The following ZNF850 variants were observed in gnomAD, a reference collection of about 807,000 sequenced individuals.
The protein encoded by ZNF850 is putative zinc finger protein ENSP00000330994.
Under a neutral mutation model 11.9 loss-of-function variants are expected in ZNF850, and 2 were observed. The ratio of observed to expected loss-of-function variants is 0.17; its 90% CI spans 0.07 to 0.53. The LOEUF (loss-of-function observed/expected upper bound fraction) is 0.53. Among genes scored for constraint, ZNF850 ranks in the 20% least tolerant of loss-of-function variants. The probability of loss-of-function intolerance (pLI) is 0.94; values close to 1 mark genes in which losing one functional copy is unlikely to be tolerated. For synonymous variants in ZNF850, 381 were observed against 443.0 expected (o/e 0.86, Z 1.76); for missense variants, 1,014 against 1,316.4 (o/e 0.77, Z 3.55).
At position 36,749,242 on chromosome 19, in the gene ZNF850, C is replaced by T. The variant is rs775759696; in HGVS notation, c.1798G>A (p.Val600Ile). 28 of 1,582,212 alleles carry T rather than the reference C, an allele frequency of 1.8e-5. No homozygotes were observed. The African/African-American group carries it at 2.9e-4, about 16-fold the overall frequency. ...HCKECGKSFT[V>I]GSTLLQHQQI... The stretch of plus-strand genomic sequence containing the variant: ...TGATGTTGAAGTAGTGTTGAGCCAA[C>T]AGTAAAAGATTTTCCACATTCCTTA... Residue 600 changes from valine (V) to isoleucine (I), a missense_variant, in exon 5 of 5, where the codon GTT becomes ATT. Val to Ile is a conservative substitution (Grantham distance 29, BLOSUM62 3). Coordinates refer to ENST00000591344, the MANE Select transcript of ZNF850 (RefSeq NM_001193552.2).
intron 4 of ZNF850, among the ~76,000 whole-genome samples, chr19:36,759,297 G>T (rs2040504913): frequency 6.6e-6 from 1 of 151,936 alleles, no homozygotes; most frequent in African/African-American, 2.4e-5. Context: ...CACACAGGGA[G>T]AACCCATCTC....
At chr19:36,756,981 A>T (rs2040490401) in intron 4 of ZNF850, among the ~76,000 whole-genome samples, 1 of 152,174 alleles carries the variant, frequency 6.6e-6, no homozygotes, top group South Asian at 2.1e-4. Flanking sequence ...TTCTGTATAT[A>T]TCAGAATTAG....
At chr19:36,757,499 GTTTCT>G (rs930336381) in intron 4 of ZNF850, among the ~76,000 whole-genome samples, 1 of 135,038 alleles carries the variant, frequency 7.4e-6, no homozygotes, top group Non-Finnish European at 1.6e-5. Flanking sequence ...AGGAAATATA[GTTTCT>G]TTTTTTTTTT....
Position 36,749,398 on chromosome 19 carries a change from GC to G in ZNF850, c.1641del (p.Leu548Ter). The G allele has an allele frequency of 6.5e-7, 1 of 1,547,738 alleles. No individual in the cohort carries two copies. The highest frequency in any genetic ancestry group is 1.9e-5 in the Admixed American group (1 of 51,446). ...GTGTGAACTGCCTGATGTCCAATTA[GC>G]CCTGAGCGAAAAGTAAAAGATTTTC... ...ECGKSFTFRS[G>X]LIGHQAVHTG... On this transcript the variant is annotated frameshift_variant, in exon 5 of 5. Transcript: ENST00000591344. LOFTEE classifies it low-confidence loss of function (END_TRUNC).
rs2040413568 is a variant in ZNF850 at position 36,746,745 on chromosome 19, G to A, written c.*1022C>T. ...TTTCTTTCCAGCAAGGACTTTCTTA[G>A]CCACCTTTGCAGTTATGGGCTAAAG... On this transcript the variant is annotated 3_prime_UTR_variant, in exon 5 of 5. Transcript: ENST00000591344. 6.6e-6 allele frequency: 1 copy of A among 152,158 alleles called. No homozygotes were observed. Among genetic ancestry groups the A allele is most frequent in the Non-Finnish European group, 1.5e-5 (1 of 68,042 alleles). 9.4% of individuals were successfully genotyped at this position (152,158 alleles called of 1,614,324 possible). A position where few individuals can be genotyped will look rare whatever the true frequency, so the allele number is the denominator to read the frequency against.
chr19:36,768,404 C>T (rs1331366289), intron 1 of ZNF850, among the ~76,000 whole-genome samples: 1 of 152,098 alleles, frequency 6.6e-6, no homozygotes, highest in Non-Finnish European at 1.5e-5. Context: ...ATAACAATTT[C>T]TCAAGTATTT....
At position 36,750,604 on chromosome 19, in the gene ZNF850, C is replaced by T. The variant is rs1315460757; in HGVS notation, c.436G>A (p.Glu146Lys). 2.0e-6 allele frequency: 3 copies of T among 1,536,138 alleles called. No homozygotes were observed. In the East Asian group the frequency reaches 7.3e-5, roughly 38 times the overall value. The part of the protein sequence containing the change: ...RYLEKAIMTY[E>K]TTPTFCLQTS... ...TGTAGGCAGAAAGTTGGTGTTGTTTCATAAGTCATTATTGCTTTTTCCAAA... is the reference window on the plus strand; with the variant it reads ...TGTAGGCAGAAAGTTGGTGTTGTTTTATAAGTCATTATTGCTTTTTCCAAA... Residue 146 changes from glutamate (E) to lysine (K), a missense_variant, in exon 5 of 5, where the codon GAA becomes AAA. Glu to Lys is a moderately conservative substitution (Grantham distance 56). Coordinates refer to ENST00000591344, the MANE Select transcript of ZNF850 (RefSeq NM_001193552.2).
chr19:36,769,281 AAAGAAAG>A (rs1568740666), intron 1 of ZNF850, among the ~76,000 whole-genome samples: 6,244 of 44,208 alleles, frequency 0.14, 858 homozygotes, highest in African/African-American at 0.38. Flanking sequence ...AAAAAAAAAG[AAAGAAAG>A]AAAGAAAGAA....
rs1420415271 is a variant in ZNF850 at position 36,746,245 on chromosome 19, CATT to C, written c.*1519_*1521del. On this transcript the variant is annotated 3_prime_UTR_variant, in exon 5 of 5. Coordinates refer to ENST00000591344, the MANE Select transcript of ZNF850 (RefSeq NM_001193552.2). ...GATCCCAACAATATTTCAACTTTCTCATTGTTGTTATATCTGTTATGGTGGCCT... is the reference window on the plus strand; with the variant it reads ...GATCCCAACAATATTTCAACTTTCTCGTTGTTATATCTGTTATGGTGGCCT... The C allele has an allele frequency of 7.2e-5, 11 of 152,192 alleles. No homozygotes were observed. Among genetic ancestry groups the C allele is most frequent in the Admixed American group, 2.0e-4 (3 of 15,268 alleles). 9.4% of individuals were successfully genotyped at this position (152,192 alleles called of 1,614,324 possible).
chr19:36,756,320 C>T (rs1444425675), intron 4 of ZNF850, among the ~76,000 whole-genome samples: 1 of 152,158 alleles, frequency 6.6e-6, no homozygotes. Flanking sequence ...ATGTTTACTT[C>T]TATTTGGAAC....
intron 4 of ZNF850, among the ~76,000 whole-genome samples, chr19:36,755,670 GGAAA>G (rs2040481522): frequency 6.7e-6 from 1 of 149,684 alleles, no homozygotes; most frequent in Non-Finnish European, 1.5e-5. Context: ...AAAGTTTCAA[GGAAA>G]GAGAGAGCAC....
Position 36,748,311 on chromosome 19 carries a change from G to C in ZNF850, c.2729C>G (p.Ser910Ter). 1.9e-6 allele frequency: 3 copies of C among 1,583,220 alleles called. No homozygotes were observed. Among genetic ancestry groups the C allele is most frequent in the Non-Finnish European group, 2.6e-6 (3 of 1,167,988 alleles). ...GATTCGTTGATGTTGAGTAAGTTTTGAACGACGTCTAAAGGCCTTGCCACA... is the reference window on the plus strand; with the variant it reads ...GATTCGTTGATGTTGAGTAAGTTTTCAACGACGTCTAAAGGCCTTGCCACA... Reference protein sequence around the residue: ...KECGKAFRRRSKLTQHQRIHT... With the variant: ...KECGKAFRRR The change falls in exon 5 of 5, where the codon TCA becomes TGA. Residue 910 changes from serine (S) to a stop codon, truncating the protein, a stop_gained. Coordinates refer to ENST00000591344, the MANE Select transcript of ZNF850 (RefSeq NM_001193552.2). LOFTEE classifies it low-confidence loss of function (END_TRUNC).
Position 36,761,654 on chromosome 19 carries a change from C to T in ZNF850, c.224G>A (p.Gly75Glu), listed in dbSNP as rs1358321719. ...PWMVSRDVLG[G>E]WCRDSEFRCK... ...CAGTCCTTACTCACCTCGGCACCAT[C>T]CTCCCAGCACGTCCCTTGAAACCAT... Residue 75 changes from glycine (G) to glutamate (E), a missense_variant, in exon 4 of 5, where the codon GGA (glycine) becomes GAA (glutamate). Transcript: ENST00000591344. 3 of 1,548,804 alleles carry T rather than the reference C, an allele frequency of 1.9e-6. No homozygotes were observed. Among genetic ancestry groups the T allele is most frequent in the Non-Finnish European group, 2.6e-6 (3 of 1,152,218 alleles).
At chr19:36,762,553 G>A in intron 2 of ZNF850, 42 bp downstream of exon 2, 1 of 1,536,118 alleles carries the variant, frequency 6.5e-7, no homozygotes, top group South Asian at 1.2e-5. Context: ...TAGGATGAGA[G>A]TGGGGAAGAG....
In ZNF850 at chr19:36,751,690, C is replaced by T. The variant is rs893063724; in HGVS notation, c.236-886G>A. Among the ~76,000 whole-genome samples, 12 of 112,720 alleles carry T rather than the reference C, an allele frequency of 1.1e-4. 1 individual carries two copies. The highest frequency in any genetic ancestry group is 1.7e-5 in the Non-Finnish European group (1 of 57,200). The allele number at this position is 112,720 out of a possible 152,430, so 73.9% of individuals were successfully genotyped here. ...TCCAGCCTAGGCAACAAAAACCAGACTCCATCTCAAAAAAAAAAAAAAAAA... is the reference window on the plus strand; with the variant it reads ...TCCAGCCTAGGCAACAAAAACCAGATTCCATCTCAAAAAAAAAAAAAAAAA... On this transcript the variant is annotated intron_variant, in intron 4 of 4. Coordinates refer to ENST00000591344, the MANE Select transcript of ZNF850 (RefSeq NM_001193552.2).
Position 36,748,382 on chromosome 19 carries a change from T to C in ZNF850, c.2658A>G (p.Gln886=). ...TCTCACCAGTGTGAATTCGCCGATG[T>C]TGGATTATTGCTGAGCGAAAAGCAA... ...KSFAFRSAII[Q]HRRIHTGEKP... is the part of the protein sequence containing the mutation. Residue 886 remains glutamine (Q), a synonymous_variant, in exon 5 of 5, where the codon CAA becomes CAG. Transcript: ENST00000591344. 6.4e-7 allele frequency: 1 copy of C among 1,560,470 alleles called. No homozygotes were observed. Among genetic ancestry groups the C allele is most frequent in the African/African-American group, 1.4e-5 (1 of 73,644 alleles).
At chr19:36,769,275 A>AG (rs1476334504) in intron 1 of ZNF850, among the ~76,000 whole-genome samples, 1 of 120,256 alleles carries the variant, frequency 8.3e-6, no homozygotes, top group African/African-American at 3.4e-5. Flanking sequence ...AAAAAAAAAA[A>AG]AAAAGAAAGA....
rs547670010 is a variant in ZNF850 at position 36,762,073 on chromosome 19, G to A, written c.139+232C>T. ...AAAAAAAAAAAAAAAGAAAAGAAGT[G>A]AGACATACTCCTGCTGTTCCTGAAT... is the stretch of plus-strand genomic sequence containing the variant. On this transcript the variant is annotated intron_variant, in intron 3 of 4. Transcript: ENST00000591344. Among the ~76,000 whole-genome samples, 9 of 149,694 alleles carry A rather than the reference G, an allele frequency of 6.0e-5. No homozygotes were observed. The East Asian group carries it at 1.6e-3, about 26-fold the overall frequency.
intron 3 of ZNF850, 22 bp downstream of exon 3, chr19:36,762,283 A>T (rs757902151): frequency 2.7e-6 from 4 of 1,498,026 alleles, no homozygotes; most frequent in Admixed American, 4.8e-5. Flanking sequence ...TTCATGAGTT[A>T]TTTGCGGATA....
Sources: gnomAD v4.1 joint callset for allele counts (sites outside exome capture counted in the v4.1 genomes callset) on GRCh38, gnomAD v4.1.1 for gene constraint, MANE v1.5 for transcripts, NCBI Gene and HGNC (gene_info 2026-07-23, HGNC 2026-07-21) for gene names.